The following COL6A3 variants were observed in gnomAD, a reference collection of about 807,000 sequenced individuals.
The protein encoded by COL6A3 is collagen type VI alpha 3 chain, also known as collagen alpha-3(VI) chain.
Under a neutral mutation model 274.1 loss-of-function variants are expected in COL6A3, and 137 were observed. That is an observed-to-expected ratio of 0.50 (90% CI 0.44 to 0.58). The LOEUF is 0.58. COL6A3 is among the 20% of genes least tolerant of loss of function. The pLI is 0.00. For missense variants in COL6A3, 3,950 were observed against 4,124.9 expected (o/e 0.96, Z 1.16); for synonymous variants, 1,650 against 1,650.6 (o/e 1.00, Z 0.01).
Position 237,367,203 on chromosome 2 carries a change from C to A in COL6A3, c.4984G>T (p.Val1662Leu), listed in dbSNP as rs886043879. ...RDSFQEVLRF[V>L]SEIVDTVYED... ...TAAACTGTGTCCACTATTTCAGACA[C>A]AAAACGAAGCACTTCCTGGAAACTG... The change falls in exon 11 of 44, where the codon GTG (valine) becomes TTG (leucine). Residue 1662 changes from valine (V) to leucine (L), a missense_variant. Transcript: ENST00000295550. 1.9e-6 allele frequency: 3 copies of A among 1,613,978 alleles called. No individual in the cohort carries two copies. Among genetic ancestry groups the A allele is most frequent in the Non-Finnish European group, 2.5e-6 (3 of 1,179,870 alleles).
In COL6A3 at chr2:237,377,759, G is replaced by C. The variant is rs538184952; in HGVS notation, c.2498-415C>G. On this transcript the variant is annotated intron_variant, in intron 6 of 43. Coordinates refer to ENST00000295550, the MANE Select transcript of COL6A3 (RefSeq NM_004369.4). ...GATCTCAATCTCTAGAAAAAAAAAG[G>C]GGGGGCTGATATGGGTCAACCACTC... 4.5e-4 allele frequency among the ~76,000 whole-genome samples: 69 copies of C among 152,240 alleles called. 1 individual carries two copies. The East Asian group carries it at 0.013, about 29-fold the overall frequency.
In COL6A3 at chr2:237,339,102, T is replaced by C. The variant is rs1478601679; in HGVS notation, c.8480A>G (p.Tyr2827Cys). Residue 2827 changes from tyrosine to cysteine, a missense_variant, in exon 39 of 44, where the codon TAC (tyrosine) becomes TGC (cysteine). Physicochemically the swap from Tyr to Cys is radical, Grantham distance 194 (BLOSUM62 -2). Around this residue, in one of 5 missense-constraint regions of COL6A3, gnomAD observed 1,284 missense variants for 1,349.7 expected, o/e 0.95. Transcript: ENST00000295550. ...PSFVSSENAF[Y>C]LSPDIRKQCD... ...CTGTTTCCTGATATCTGGGGACAAG[T>C]AAAAAGCATTTTCACCTAAAGAAAA... 1 of 1,613,430 alleles carries C rather than the reference T, an allele frequency of 6.2e-7. No individual in the cohort carries two copies. Among genetic ancestry groups the C allele is most frequent in the Non-Finnish European group, 8.5e-7 (1 of 1,179,408 alleles).
chr2:237,381,701 A>C (rs1021528895), intron 4 of COL6A3, among the ~76,000 whole-genome samples: 2 of 152,204 alleles, frequency 1.3e-5, no homozygotes, highest in African/African-American at 4.8e-5. Flanking sequence ...AAGCTGGCTC[A>C]CCTTCCACCC....
intron 31 of COL6A3, 126 bp from the exon 32 acceptor site, chr2:237,346,691 A>C: frequency 2.4e-6 from 2 of 821,686 alleles, no homozygotes; most frequent in Non-Finnish European, 4.0e-6. Flanking sequence ...AAAATCTCTC[A>C]CTTTAAGGGA....
At chr2:237,334,991 T>C (rs1700459608) in intron 40 of COL6A3, 102 bp from the exon 41 acceptor site, 4 of 1,430,856 alleles carry the variant, frequency 2.8e-6, no homozygotes, top group East Asian at 2.3e-5. Context: ...AACAGACAAA[T>C]TGACTTGAAA....
rs1316359178 is a variant in COL6A3 at position 237,375,231 on chromosome 2, A to G, written c.3071-211T>C. Among the ~76,000 whole-genome samples the G allele has an allele frequency of 2.6e-5, 4 of 152,192 alleles. No individual in the cohort carries two copies. In the East Asian group the frequency reaches 7.7e-4, roughly 29 times the overall value. On this transcript the variant is annotated intron_variant, in intron 7 of 43. Coordinates refer to ENST00000295550, the MANE Select transcript of COL6A3 (RefSeq NM_004369.4). ...GGTGGGCCCAATGTAATCAATCACA[A>G]GTGTCCTTATAAGAGGGGGTAAGAG...
intron 5 of COL6A3, among the ~76,000 whole-genome samples, chr2:237,379,664 C>A (rs182636358): frequency 1.3e-5 from 2 of 152,300 alleles, no homozygotes; most frequent in Admixed American, 1.3e-4. Context: ...GGTCTTCCAT[C>A]CATAGCTCAG....
intron 39 of COL6A3, among the ~76,000 whole-genome samples, chr2:237,338,766 T>C (rs1559197528): frequency 6.6e-6 from 1 of 152,224 alleles, no homozygotes; most frequent in Admixed American, 6.5e-5. Flanking sequence ...AGACTCTGTC[T>C]CTAAATAAAT....
intron 3 of COL6A3, among the ~76,000 whole-genome samples, chr2:237,390,802 T>C (rs1022391926): frequency 2.0e-5 from 3 of 152,242 alleles, no homozygotes; most frequent in African/African-American, 7.2e-5. Flanking sequence ...TTAAAAATCT[T>C]CATCCTTTAC....
At chr2:237,393,638 C>G (rs532226510) in intron 3 of COL6A3, among the ~76,000 whole-genome samples, 2 of 152,194 alleles carry the variant, frequency 1.3e-5, no homozygotes, top group African/African-American at 4.8e-5. Context: ...GACTCATTTT[C>G]TAACAAGGGG....
chr2:237,397,013 TA>T (rs2078459541), intron 1 of COL6A3, among the ~76,000 whole-genome samples, 166 bp from the exon 2 acceptor site: 2 of 118,594 alleles, frequency 1.7e-5, no homozygotes, highest in Non-Finnish European at 3.4e-5. Context: ...GACAGTTAGA[TA>T]GATGATAGAT....
At chr2:237,339,141 C>T (rs1231697667) in intron 38 of COL6A3, 24 bp from the exon 39 acceptor site, 2 of 1,507,290 alleles carry the variant, frequency 1.3e-6, no homozygotes, top group South Asian at 2.3e-5. Context: ...ACAAAGAAAA[C>T]AATTGAACCG....
chr2:237,343,259 G>A (rs1181430571), intron 36 of COL6A3: 3 of 151,810 alleles, frequency 2.0e-5, no homozygotes, highest in South Asian at 2.1e-4. Context: ...CACTTTGGGA[G>A]GCCGAGGCAG....
At position 237,350,473 on chromosome 2, in the gene COL6A3, C is replaced by T. The variant is rs10167181; in HGVS notation, c.6817-264G>A. Reference sequence around the variant, plus strand: ...GAGTAACAACTGGGAGAAGAAGGCACGGAAGGCGGTGGGCATTGAGCCCAG... The same window carrying T: ...GAGTAACAACTGGGAGAAGAAGGCATGGAAGGCGGTGGGCATTGAGCCCAG... On this transcript the variant is annotated intron_variant, in intron 27 of 43. Coordinates refer to ENST00000295550, the MANE Select transcript of COL6A3 (RefSeq NM_004369.4). Among the ~76,000 whole-genome samples the T allele has an allele frequency of 0.019, 2,948 of 152,214 alleles. 101 individuals carry two copies. Among genetic ancestry groups the T allele is most frequent in the African/African-American group, 0.066 (2,736 of 41,524 alleles).
At position 237,407,308 on chromosome 2, in the gene COL6A3, C is replaced by T. The variant is rs939575734; in HGVS notation, c.-31+6645G>A. Among the ~76,000 whole-genome samples, 1 of 152,236 alleles carries T rather than the reference C, an allele frequency of 6.6e-6. No homozygotes were observed. Among genetic ancestry groups the T allele is most frequent in the Non-Finnish European group, 1.5e-5 (1 of 68,044 alleles). On this transcript the variant is annotated intron_variant, in intron 1 of 43. Coordinates refer to ENST00000295550, the MANE Select transcript of COL6A3 (RefSeq NM_004369.4). This position sits in a 1 kb window ranked among gnomAD's most constrained non-coding sequence, Gnocchi z 4.3. Reference sequence around the variant, plus strand: ...GATAGCAACATTTTAAAACTCTTCTCATCAGGCAGGGTAACTAGACCTCCT... The same window carrying T: ...GATAGCAACATTTTAAAACTCTTCTTATCAGGCAGGGTAACTAGACCTCCT...
chr2:237,367,714 T>C (rs190706214), intron 10 of COL6A3, among the ~76,000 whole-genome samples: 23 of 152,294 alleles, frequency 1.5e-4, no homozygotes, highest in African/African-American at 3.6e-4. Flanking sequence ...TGAAGAGATG[T>C]GTGTGAGGTG....
chr2:237,348,560 C>G, intron 29 of COL6A3, 53 bp downstream of exon 29: 1 of 1,573,330 alleles, frequency 6.4e-7, no homozygotes, highest in Non-Finnish European at 8.7e-7. Context: ...AGAAGTTGTC[C>G]TTGGAGCCTC....
Position 237,361,225 on chromosome 2 carries a change from C to T in COL6A3, c.6157-51G>A. ...GTTTAATCCCGTGGTCTTCTTTGCT[C>T]TACAGTAAGAATCCCTGTGGTCCCC... On this transcript the variant is annotated intron_variant, in intron 15 of 43. Coordinates refer to ENST00000295550, the MANE Select transcript of COL6A3 (RefSeq NM_004369.4). This position sits in a 1 kb window ranked among gnomAD's most constrained non-coding sequence, Gnocchi z 5.1. The T allele has an allele frequency of 6.4e-7, 1 of 1,560,342 alleles. No individual in the cohort carries two copies. The highest frequency in any genetic ancestry group is 8.8e-7 in the Non-Finnish European group (1 of 1,131,252).
chr2:237,336,902 G>C (rs912459251), intron 39 of COL6A3, among the ~76,000 whole-genome samples: 5 of 152,138 alleles, frequency 3.3e-5, no homozygotes, highest in Non-Finnish European at 7.4e-5. Flanking sequence ...AATGAAATCA[G>C]TAGTTAGCTA....
Sources: gnomAD v4.1 joint callset for allele counts (sites outside exome capture counted in the v4.1 genomes callset) on GRCh38, gnomAD v4.1.1 for gene constraint, gnomAD v4.1.1 regional missense constraint, Gnocchi (gnomAD v3.1) non-coding constraint, MANE v1.5 for transcripts, NCBI Gene and HGNC (gene_info 2026-07-23, HGNC 2026-07-21) for gene names.